HOPX: variants seen among roughly 807,000 people sequenced by gnomAD.
HOPX encodes homeodomain-only protein.
In HOPX, 5 loss-of-function variants were observed where a neutral mutation model predicts 11.8. The ratio of observed to expected loss-of-function variants is 0.43; its 90% confidence interval spans 0.22 to 0.89. HOPX has a LOEUF of 0.89. Among genes scored for constraint, HOPX ranks in the 40% least tolerant of loss-of-function variants. The probability of loss-of-function intolerance (pLI) is 0.28; values close to 1 mark genes in which losing one functional copy is unlikely to be tolerated. For missense variants in HOPX, 119 were observed against 120.0 expected (o/e 0.99, Z 0.04); for synonymous variants, 49 against 49.7 (o/e 0.99, Z 0.06).
intron 3 of HOPX, among the ~76,000 whole-genome samples, chr4:56,652,536 G>A (rs1202690230): frequency 1.3e-4 from 20 of 152,092 alleles, no homozygotes; most frequent in Admixed American, 1.1e-3. Flanking sequence ...GGCTGGCTGC[G>A]ATGGCTCATG....
At chr4:56,655,499 C>T (rs1416174491) in intron 3 of HOPX, among the ~76,000 whole-genome samples, 2 of 152,170 alleles carry the variant, frequency 1.3e-5, no homozygotes, top group Non-Finnish European at 2.9e-5. Flanking sequence ...GCCGGGAAGG[C>T]GAGACAGGGA....
At chr4:56,663,198 A>G (rs1275224980) in intron 1 of HOPX, 1 of 152,156 alleles carries the variant, frequency 6.6e-6, no homozygotes, top group African/African-American at 2.4e-5. Context: ...TACAGGTACA[A>G]GCAGAACCAC....
In HOPX at chr4:56,665,918, G is replaced by A. The variant is rs997159226; in HGVS notation, c.-83-8019C>T. On this transcript the variant is annotated intron_variant, in intron 1 of 3. Transcript: ENST00000420433. Reference sequence around the variant, plus strand: ...CTACACCATCTTTCCTCTTTGCACCGAACAGTTCTGCAGACAGCAGATCCT... The same window carrying A: ...CTACACCATCTTTCCTCTTTGCACCAAACAGTTCTGCAGACAGCAGATCCT... 2.6e-5 allele frequency among the ~76,000 whole-genome samples: 4 copies of A among 152,174 alleles called. No homozygotes were observed. In the East Asian group the frequency reaches 7.7e-4, roughly 29 times the overall value.
chr4:56,668,254 A>G (rs1396758450), intron 1 of HOPX, among the ~76,000 whole-genome samples: 3 of 152,214 alleles, frequency 2.0e-5, no homozygotes, highest in Admixed American at 6.5e-5. Context: ...TACTTGTGTC[A>G]TAGATGAAAT....
intron 2 of HOPX, among the ~76,000 whole-genome samples, chr4:56,657,469 G>A (rs1717827618): frequency 6.6e-6 from 1 of 152,192 alleles, no homozygotes; most frequent in Admixed American, 6.5e-5. Context: ...ACTGTGACCT[G>A]CATCTTCTAC....
At chr4:56,672,684 A>T (rs13107854) in intron 1 of HOPX, 1 of 152,104 alleles carries the variant, frequency 6.6e-6, no homozygotes, top group Non-Finnish European at 1.5e-5. Flanking sequence ...TAGTAGAGAC[A>T]AGTTTTTGCC....
chr4:56,666,357 T>C (rs1005100109), intron 1 of HOPX, among the ~76,000 whole-genome samples: 1 of 152,248 alleles, frequency 6.6e-6, no homozygotes, highest in African/African-American at 2.4e-5. Context: ...TACAGAGTTT[T>C]GTAGAATTAA....
At chr4:56,676,123 C>T (rs1719003524) in intron 1 of HOPX, among the ~76,000 whole-genome samples, 1 of 151,410 alleles carries the variant, frequency 6.6e-6, no homozygotes, top group African/African-American at 2.5e-5. Flanking sequence ...ATGGTGAAAC[C>T]CTGTCTCTAT....
At chr4:56,664,838 A>C (rs1371028385) in intron 1 of HOPX, 1 of 152,210 alleles carries the variant, frequency 6.6e-6, no homozygotes, top group Non-Finnish European at 1.5e-5. Context: ...GGAGGCATAA[A>C]TAGGACAGAA....
At chr4:56,677,316 G>A (rs945028954) in intron 1 of HOPX, among the ~76,000 whole-genome samples, 2 of 151,600 alleles carry the variant, frequency 1.3e-5, no homozygotes, top group Non-Finnish European at 2.9e-5. Context: ...CACAATCTTG[G>A]TATATTTTTG....
intron 1 of HOPX, chr4:56,659,405 G>A (rs1717969951): frequency 6.6e-6 from 1 of 152,194 alleles, no homozygotes; most frequent in Admixed American, 6.5e-5. Flanking sequence ...GAAGGGGATG[G>A]GGTCTTCCCC....
chr4:56,650,877 G>A (rs1373201118), intron 3 of HOPX: 1 of 1,454,606 alleles, frequency 6.9e-7, no homozygotes, highest in African/African-American at 1.4e-5. Flanking sequence ...TGCTAAGGGT[G>A]GGCCCATTTT....
At chr4:56,673,920 G>A (rs574892099) in intron 1 of HOPX, among the ~76,000 whole-genome samples, 1 of 151,712 alleles carries the variant, frequency 6.6e-6, no homozygotes, top group South Asian at 2.1e-4. Flanking sequence ...GGCCAGGCTG[G>A]TCTTGAACTC....
chr4:56,654,725 G>A (rs1036370379), intron 3 of HOPX, among the ~76,000 whole-genome samples: 3 of 152,214 alleles, frequency 2.0e-5, no homozygotes, highest in Admixed American at 6.5e-5. Context: ...TTGGGGTCCA[G>A]GGTCTTGGTC....
intron 1 of HOPX, among the ~76,000 whole-genome samples, chr4:56,670,770 G>A (rs1004304811): frequency 1.3e-5 from 2 of 152,188 alleles, no homozygotes; most frequent in Non-Finnish European, 2.9e-5. Context: ...GCTGAGGCGA[G>A]CGGATTACTT....
In HOPX at chr4:56,681,248, T is replaced by C; in HGVS notation, c.-84+7A>G. ...GCATAAAAGGCAGACCTTTGAAAGG[T>C]ACTTACGTGGAAGAGGCAAAGGCAA... On this transcript the variant is annotated splice_region_variant and intron_variant, in intron 1 of 3. Coordinates refer to ENST00000420433, the MANE Select transcript of HOPX (RefSeq NM_032495.6). 1 of 985,364 alleles carries C rather than the reference T, an allele frequency of 1.0e-6. No homozygotes were observed. Among genetic ancestry groups the C allele is most frequent in the Non-Finnish European group, 1.2e-6 (1 of 829,906 alleles). 61.0% of individuals were successfully genotyped at this position (985,364 alleles called of 1,614,324 possible).
chr4:56,666,321 G>A (rs1284201585), intron 1 of HOPX, among the ~76,000 whole-genome samples: 1 of 152,228 alleles, frequency 6.6e-6, no homozygotes, highest in Non-Finnish European at 1.5e-5. Flanking sequence ...GCTCAGTGAT[G>A]ATTGCTGCCA....
upstream of HOPX, chr4:56,681,519 C>T (rs545772476): frequency 1.5e-5 from 15 of 999,370 alleles, no homozygotes; most frequent in African/African-American, 5.2e-5. Context: ...GGAACTTTCT[C>T]GTCACTATCT....
chr4:56,650,454 T>C, intron 3 of HOPX: 1 of 506,382 alleles, frequency 2.0e-6, no homozygotes, highest in Non-Finnish European at 3.5e-6. Context: ...GAATTCAGTA[T>C]ATAAGCCCAA....
Sources: gnomAD v4.1 joint callset for allele counts (sites outside exome capture counted in the v4.1 genomes callset) on GRCh38, gnomAD v4.1.1 for gene constraint, MANE v1.5 for transcripts, NCBI Gene and HGNC (gene_info 2026-07-23, HGNC 2026-07-21) for gene names.